The following FAAP20 variants were observed in gnomAD, a reference collection of about 807,000 sequenced individuals.
The protein encoded by FAAP20 is FA core complex associated protein 20, also known as Fanconi anemia core complex-associated protein 20.
Under a neutral mutation model 16.2 loss-of-function variants are expected in FAAP20, and 12 were observed. That is an observed-to-expected ratio of 0.74 (90% CI 0.48 to 1.20). The LOEUF (loss-of-function observed/expected upper bound fraction) is 1.20, where lower values mean the gene tolerates loss of function less well. Among genes scored for constraint, FAAP20 ranks in the 50% most tolerant of loss-of-function variants. The pLI, the probability that FAAP20 is intolerant of heterozygous loss-of-function variation, is 0.00. For missense variants in FAAP20, 288 were observed against 245.8 expected, an observed-to-expected ratio of 1.17 and a Z score of -1.15; for synonymous variants, 141 against 110.7, an observed-to-expected ratio of 1.27 and a Z score of -1.72.
At chr1:2,207,302 C>T (rs1395380260), downstream of FAAP20, among the ~76,000 whole-genome samples, 4 of 152,154 alleles carry the variant, frequency 2.6e-5, no homozygotes, top group Non-Finnish European at 2.9e-5. Flanking sequence ...CCCCACCCTT[C>T]GCCGGCCTTC....
chr1:2,185,990 C>T, downstream of FAAP20: 1 of 393,282 alleles, frequency 2.5e-6, no homozygotes, highest in Non-Finnish European at 5.2e-6. Context: ...CACCCGCGCT[C>T]TCCGTCCACC....
chr1:2,204,270 C>T (rs957276965), upstream of FAAP20, among the ~76,000 whole-genome samples: 1 of 152,252 alleles, frequency 6.6e-6, no homozygotes, highest in African/African-American at 2.4e-5. Flanking sequence ...TTGGTCCTGC[C>T]AGCATCGTGA....
At chr1:2,194,507 G>C (rs935153206) in intron 1 of FAAP20, among the ~76,000 whole-genome samples, 181 bp downstream of exon 1, 1 of 145,132 alleles carries the variant, frequency 6.9e-6, no homozygotes, top group African/African-American at 2.5e-5. Flanking sequence ...GCTCGGCGTG[G>C]GGTGGGGGCT....
At chr1:2,201,297 G>A (rs1423695232), upstream of FAAP20, 26 of 1,104,720 alleles carry the variant, frequency 2.4e-5, no homozygotes, top group Non-Finnish European at 3.4e-6. Context: ...GACACGCACG[G>A]TGAGCGACCT....
At chr1:2,187,552 CCTCA>C (rs1486982387), downstream of FAAP20, among the ~76,000 whole-genome samples, 1 of 152,164 alleles carries the variant, frequency 6.6e-6, no homozygotes, top group Admixed American at 6.5e-5. Flanking sequence ...GATCCACCTG[CCTCA>C]GCCTCCCAAA....
chr1:2,189,914 G>A, intron 3 of FAAP20, 133 bp from the exon 4 acceptor site: 5 of 732,706 alleles, frequency 6.8e-6, no homozygotes, highest in South Asian at 1.5e-5. Context: ...AAGGGACGGG[G>A]CCACCCCAGG....
downstream of FAAP20, chr1:2,185,994 G>T (rs987656246): frequency 1.8e-5 from 7 of 397,232 alleles, no homozygotes; most frequent in Non-Finnish European, 3.6e-5. Flanking sequence ...CGCGCTCTCC[G>T]TCCACCCACC....
upstream of FAAP20, chr1:2,198,504 T>A (rs777639286): frequency 2.6e-5 from 12 of 462,500 alleles, no homozygotes; most frequent in Non-Finnish European, 3.5e-5. Flanking sequence ...GCCACTGGCA[T>A]CCTCAGAGTC....
intron 3 of FAAP20, among the ~76,000 whole-genome samples, chr1:2,205,488 C>T (rs530102813): frequency 6.6e-6 from 1 of 151,862 alleles, no homozygotes; most frequent in Non-Finnish European, 1.5e-5. Flanking sequence ...GCCGCTCGTT[C>T]TGCGACCTCC....
intron 3 of FAAP20, chr1:2,190,120 C>T (rs774651562): frequency 3.8e-6 from 2 of 529,478 alleles, no homozygotes; most frequent in African/African-American, 1.9e-5. Flanking sequence ...GCGGCCTGAC[C>T]CGGAGAAAAG....
chr1:2,195,181 C>T (rs138076115), upstream of FAAP20, among the ~76,000 whole-genome samples: 63 of 152,378 alleles, frequency 4.1e-4, 3 homozygotes, highest in East Asian at 7.3e-3. Flanking sequence ...GCCGTCGCCA[C>T]CACCGTTTCT....
rs184733476 is a variant in FAAP20 at position 2,191,984 on chromosome 1, C to T, written c.470+1655G>A. On this transcript the variant is annotated intron_variant, in intron 3 of 3. Transcript: ENST00000378546. ...AGCATTTGACGGTCCTCTGGGTGAC[C>T]CGGAGAACACCAAGGCTGTGAGAAA... The T allele has an allele frequency of 2.0e-5, 20 of 985,482 alleles. No homozygotes were observed. In the Admixed American group the frequency reaches 1.2e-3, roughly 60 times the overall value. The allele number at this position is 985,482 out of a possible 1,614,324, so 61.0% of individuals were successfully genotyped here. A position where few individuals can be genotyped will look rare whatever the true frequency, so the allele number is the denominator to read the frequency against.
chr1:2,187,399 G>C (rs1308843328), downstream of FAAP20, among the ~76,000 whole-genome samples: 1 of 151,710 alleles, frequency 6.6e-6, no homozygotes, highest in Admixed American at 6.6e-5. Flanking sequence ...CCACCTCCCG[G>C]GTTTAAGCGA....
intron 3 of FAAP20, among the ~76,000 whole-genome samples, chr1:2,205,575 C>T (rs186762088): frequency 6.6e-6 from 1 of 152,128 alleles, no homozygotes; most frequent in Non-Finnish European, 1.5e-5. Context: ...GCAGTCGCCG[C>T]CTGCGGACGG....
At chr1:2,192,142 C>A in intron 3 of FAAP20, 1 of 985,658 alleles carries the variant, frequency 1.0e-6, no homozygotes, top group Non-Finnish European at 1.2e-6. Flanking sequence ...CCAATCCAGG[C>A]GGCCTCCCTG....
chr1:2,186,115 G>A (rs1172497858), downstream of FAAP20: 1 of 453,262 alleles, frequency 2.2e-6, no homozygotes, highest in South Asian at 1.6e-5. Flanking sequence ...GGGAGAGGGG[G>A]TCGCGCCACC....
chr1:2,199,370 T>C, upstream of FAAP20: 2 of 1,011,118 alleles, frequency 2.0e-6, no homozygotes, highest in South Asian at 3.7e-5. This position sits in a 1 kb window ranked among gnomAD's most constrained non-coding sequence, Gnocchi z 4.5. Context: ...TGCTCTGACG[T>C]CCCCCCGCCC....
chr1:2,187,303 CTTTTTT>C (rs1025009836), downstream of FAAP20: 6 of 341,566 alleles, frequency 1.8e-5, no homozygotes, highest in East Asian at 9.1e-5. Flanking sequence ...TTTTCTTTTT[CTTTTTT>C]TTTTCTTTTT....
At chr1:2,203,559 C>T, upstream of FAAP20, 1 of 986,100 alleles carries the variant, frequency 1.0e-6, no homozygotes, top group Non-Finnish European at 1.2e-6. Flanking sequence ...GCTGGTGCCC[C>T]TCACCTGGGG....
Sources: allele counts gnomAD v4.1 joint callset (sites outside exome capture counted in the v4.1 genomes callset), GRCh38; gene constraint gnomAD v4.1.1; non-coding constraint Gnocchi (gnomAD v3.1); transcripts MANE v1.5; gene names NCBI Gene and HGNC (gene_info 2026-07-23, HGNC 2026-07-21).